ABCC1: variants seen among roughly 807,000 people sequenced by gnomAD.
ABCC1 encodes the protein multidrug resistance-associated protein 1.
A neutral mutation model predicts 172.9 loss-of-function variants in ABCC1; 83 were observed. The ratio of observed to expected loss-of-function variants is 0.48; its 90% confidence interval spans 0.40 to 0.58. The LOEUF (loss-of-function observed/expected upper bound fraction) is 0.58. Among genes scored for constraint, ABCC1 ranks in the 20% least tolerant of loss-of-function variants. The probability of loss-of-function intolerance (pLI) is 0.00; values close to 1 mark genes in which losing one functional copy is unlikely to be tolerated. For missense variants in ABCC1, 1,817 were observed against 2,002.7 expected (o/e 0.91, Z 1.77); for synonymous variants, 937 against 825.2 (o/e 1.14, Z -2.32).
intron 22 of ABCC1, among the ~76,000 whole-genome samples, chr16:16,114,393 G>A (rs1222133278): frequency 6.6e-6 from 1 of 151,520 alleles, no homozygotes; most frequent in Non-Finnish European, 1.5e-5. Context: ...ATGTTGGAGT[G>A]GAGTGGACGC....
intron 1 of ABCC1, among the ~76,000 whole-genome samples, chr16:15,964,516 G>A (rs922447705): frequency 6.6e-6 from 1 of 152,064 alleles, no homozygotes; most frequent in Admixed American, 6.5e-5. Flanking sequence ...GGATTTAGGT[G>A]GGGACACAGA....
At chr16:16,024,111 C>T (rs1220784822) in intron 5 of ABCC1, among the ~76,000 whole-genome samples, 5 of 152,060 alleles carry the variant, frequency 3.3e-5, no homozygotes, top group South Asian at 2.1e-4. Flanking sequence ...CCCAGCTACT[C>T]GGGAGGCTCA....
chr16:16,086,012 C>A (rs1341613474), intron 17 of ABCC1, among the ~76,000 whole-genome samples: 1 of 152,154 alleles, frequency 6.6e-6, no homozygotes, highest in Non-Finnish European at 1.5e-5. Flanking sequence ...CGGAGCCTTG[C>A]TTCACCTATA....
At chr16:16,102,972 G>A (rs1022757296) in intron 20 of ABCC1, among the ~76,000 whole-genome samples, 1 of 152,184 alleles carries the variant, frequency 6.6e-6, no homozygotes, top group Non-Finnish European at 1.5e-5. Context: ...CTGACACTCG[G>A]GCTCCCTACA....
Position 15,949,618 on chromosome 16 carries a change from C to T in ABCC1, c.-134C>T, listed in dbSNP as rs1567268817. The T allele has an allele frequency of 1.8e-6, 1 of 559,098 alleles. No homozygotes were observed. Among genetic ancestry groups the T allele is most frequent in the Non-Finnish European group, 2.3e-6 (1 of 441,982 alleles). 34.6% of individuals were successfully genotyped at this position (559,098 alleles called of 1,614,324 possible). A position where few individuals can be genotyped will look rare whatever the true frequency, so the allele number is the denominator to read the frequency against. ...CCCCGGCCCCGGCTCCCTGCGCCGCCGCCGCCGCCGCCGCCAGCGCTAGCG... is the reference window on the plus strand; with the variant it reads ...CCCCGGCCCCGGCTCCCTGCGCCGCTGCCGCCGCCGCCGCCAGCGCTAGCG... On this transcript the variant is annotated 5_prime_UTR_variant, in exon 1 of 31. Coordinates refer to ENST00000399410, the MANE Select transcript of ABCC1 (RefSeq NM_004996.4).
intron 16 of ABCC1, among the ~76,000 whole-genome samples, chr16:16,082,833 A>G (rs1023417840): frequency 6.6e-6 from 1 of 152,104 alleles, no homozygotes; most frequent in Non-Finnish European, 1.5e-5. Flanking sequence ...TTTTTTTTAG[A>G]GATGGGATTT....
intron 1 of ABCC1, among the ~76,000 whole-genome samples, chr16:15,997,546 T>G (rs903577368): frequency 1.3e-5 from 2 of 152,086 alleles, no homozygotes; most frequent in African/African-American, 4.8e-5. Context: ...GCTCAGAGCG[T>G]GGTGGGCCTG....
intron 12 of ABCC1, among the ~76,000 whole-genome samples, chr16:16,066,148 A>G (rs1180196488): frequency 6.6e-6 from 1 of 151,966 alleles, no homozygotes; most frequent in Non-Finnish European, 1.5e-5. Flanking sequence ...GACTTTTCAT[A>G]TAAATGGAAT....
Position 16,033,067 on chromosome 16 carries a change from C to G in ABCC1, c.616-42C>G, listed in dbSNP as rs376570605. 160 of 1,590,772 alleles carry G rather than the reference C, an allele frequency of 1.0e-4. No homozygotes were observed. In the South Asian group the frequency reaches 1.7e-3, roughly 17 times the overall value. Reference sequence around the variant, plus strand: ...GACCTGGATGAAAAGTCAAATCATTCCTTTCCCTCTTCCTCCCAAACCTGT... The same window carrying G: ...GACCTGGATGAAAAGTCAAATCATTGCTTTCCCTCTTCCTCCCAAACCTGT... On this transcript the variant is annotated intron_variant, in intron 5 of 30. Transcript: ENST00000399410.
At chr16:15,997,718 C>T (rs1334408690) in intron 1 of ABCC1, among the ~76,000 whole-genome samples, 2 of 151,648 alleles carry the variant, frequency 1.3e-5, no homozygotes, top group African/African-American at 4.8e-5. Flanking sequence ...TAGTGAGAGT[C>T]GCACTTCTTA....
intron 23 of ABCC1, among the ~76,000 whole-genome samples, chr16:16,120,570 G>A (rs918117087): frequency 6.6e-6 from 1 of 152,124 alleles, no homozygotes; most frequent in Non-Finnish European, 1.5e-5. Flanking sequence ...ATCGTAGCCC[G>A]GGAGCTGGGA....
intron 26 of ABCC1, among the ~76,000 whole-genome samples, chr16:16,130,432 G>T (rs1200077473): frequency 6.6e-6 from 1 of 151,956 alleles, no homozygotes; most frequent in East Asian, 1.9e-4. Flanking sequence ...TTGTTTTCTT[G>T]TTTCTTTTTT....
chr16:16,016,237 T>C (rs1254591555), intron 4 of ABCC1, among the ~76,000 whole-genome samples: 1 of 133,806 alleles, frequency 7.5e-6, no homozygotes, highest in Non-Finnish European at 1.5e-5. Flanking sequence ...CACTGCAGCC[T>C]CCGCCTCCTG....
At chr16:16,096,617 C>T (rs1338598842) in intron 19 of ABCC1, among the ~76,000 whole-genome samples, 3 of 152,128 alleles carry the variant, frequency 2.0e-5, no homozygotes, top group Admixed American at 6.5e-5. Flanking sequence ...CAGTGAATGC[C>T]GTTTTTGGTC....
chr16:16,054,183 C>G (rs1339681426), intron 11 of ABCC1, among the ~76,000 whole-genome samples: 1 of 152,128 alleles, frequency 6.6e-6, no homozygotes, highest in Non-Finnish European at 1.5e-5. Context: ...CCACATTGGC[C>G]AGGCTGGTCT....
intron 1 of ABCC1, among the ~76,000 whole-genome samples, chr16:15,965,672 C>T (rs1284332188): frequency 6.6e-6 from 1 of 152,032 alleles, no homozygotes; most frequent in Non-Finnish European, 1.5e-5. Flanking sequence ...TCTTGGCTCC[C>T]TGTGACCTCT....
chr16:16,067,408 TGATC>T (rs1278474968), intron 12 of ABCC1, among the ~76,000 whole-genome samples: 1 of 152,162 alleles, frequency 6.6e-6, no homozygotes, highest in Non-Finnish European at 1.5e-5. Context: ...CTTGGAAGAA[TGATC>T]TAAGGAATTT....
chr16:16,028,884 C>G (rs918534892), intron 5 of ABCC1, among the ~76,000 whole-genome samples: 1 of 152,112 alleles, frequency 6.6e-6, no homozygotes, highest in Non-Finnish European at 1.5e-5. Flanking sequence ...TCCGGGTCCA[C>G]GGTCTGATCT....
chr16:16,033,714 C>A (rs1038318314), intron 6 of ABCC1, among the ~76,000 whole-genome samples: 1 of 152,074 alleles, frequency 6.6e-6, no homozygotes, highest in East Asian at 1.9e-4. Context: ...GTCTCCGCCT[C>A]CCAGGTTCAA....
Sources: allele counts gnomAD v4.1 joint callset (sites outside exome capture counted in the v4.1 genomes callset), GRCh38; gene constraint gnomAD v4.1.1; transcripts MANE v1.5; gene names NCBI Gene and HGNC (gene_info 2026-07-23, HGNC 2026-07-21).